The following PDGFRB variants were observed in gnomAD, a reference collection of about 807,000 sequenced individuals.
PDGFRB encodes the protein platelet-derived growth factor receptor beta.
In PDGFRB, 42 loss-of-function variants were observed where a neutral mutation model predicts 120.2. That is an observed-to-expected ratio of 0.35 (90% CI 0.27 to 0.45). PDGFRB has a LOEUF of 0.45. PDGFRB is among the 20% of genes least tolerant of loss of function. The pLI is 1.00. For missense variants in PDGFRB, 1,149 were observed against 1,476.3 expected (o/e 0.78, Z 3.63); for synonymous variants, 586 against 606.8 (o/e 0.97, Z 0.50).
In PDGFRB at chr5:150,114,368, T is replaced by C. The variant is rs1759855422; in HGVS notation, c.*1395A>G. The C allele has an allele frequency of 4.3e-6, 1 of 233,144 alleles. No homozygotes were observed. Among genetic ancestry groups the C allele is most frequent in the Admixed American group, 5.6e-5 (1 of 17,784 alleles). 14.4% of individuals were successfully genotyped at this position (233,144 alleles called of 1,614,324 possible). Reference sequence around the variant, plus strand: ...TCTTGTCTTTTACAAGACATAACTGTCCTCACTGTCCATTCTGTCTTCGAC... The same window carrying C: ...TCTTGTCTTTTACAAGACATAACTGCCCTCACTGTCCATTCTGTCTTCGAC... On this transcript the variant is annotated 3_prime_UTR_variant, in exon 23 of 23. Transcript: ENST00000261799.
chr5:150,124,811 C>A lies in PDGFRB; in HGVS notation c.1828G>T (p.Ala610Ser). ...LVLGRTLGSG[A>S]FGQVVEATAH... ...GTGGCCTCCACCACCTGCCCAAAGG[C>A]CCCAGAGCCGAGGGTGCGTCCTGGT... Residue 610 changes from alanine to serine, a missense_variant, in exon 13 of 23, where the codon GCC becomes TCC. This residue lies in a region of PDGFRB where 879 missense variants were observed against 1,108.6 expected (regional missense o/e 0.79). Coordinates refer to ENST00000261799, the MANE Select transcript of PDGFRB (RefSeq NM_002609.4). The A allele has an allele frequency of 1.2e-6, 2 of 1,603,900 alleles. No homozygotes were observed. The highest frequency in any genetic ancestry group is 8.5e-7 in the Non-Finnish European group (1 of 1,173,424).
chr5:150,142,175 G>A (rs534524738), intron 1 of PDGFRB, among the ~76,000 whole-genome samples: 1 of 152,164 alleles, frequency 6.6e-6, no homozygotes, highest in Non-Finnish European at 1.5e-5. Context: ...GAGGCTTAGG[G>A]AAGGAAAGCA....
At chr5:150,117,190 G>A (rs1759962076) in intron 22 of PDGFRB, among the ~76,000 whole-genome samples, 1 of 152,290 alleles carries the variant, frequency 6.6e-6, no homozygotes, top group South Asian at 2.1e-4. Flanking sequence ...CAACCAAGCA[G>A]GCTCCCTCTG....
intron 14 of PDGFRB, 72 bp downstream of exon 14, chr5:150,124,178 G>T (rs548346663): frequency 4.9e-6 from 5 of 1,015,070 alleles, no homozygotes; most frequent in African/African-American, 1.6e-5. Context: ...AAGGCCTGAG[G>T]GGGGGGTAGG....
chr5:150,133,915 AC>A lies in PDGFRB; in HGVS notation c.724del (p.Val242TrpfsTer20). 1 of 1,613,876 alleles carries A rather than the reference AC, an allele frequency of 6.2e-7. No individual in the cohort carries two copies. Among genetic ancestry groups the A allele is most frequent in the Non-Finnish European group, 8.5e-7 (1 of 1,179,884 alleles). On this transcript the variant is annotated frameshift_variant, in exon 5 of 23. Transcript: ENST00000261799. LOFTEE classifies it high-confidence loss of function. The part of the protein sequence containing the change: ...TLMCIVIGNE[V>X]VNFEWTYPRK... ...GGGGTATGTCCACTCGAAGTTGACC[AC>A]CTCATTCCCGATCACAATGCACATG... is the stretch of plus-strand genomic sequence containing the variant.
intron 22 of PDGFRB, 87 bp downstream of exon 22, chr5:150,117,527 AGCGC>A (rs148754488): frequency 0.02 from 11,017 of 555,390 alleles, 48 homozygotes; most frequent in Non-Finnish European, 0.027. Context: ...CAAACCTGGC[AGCGC>A]GCGCGCGCGC....
rs1401442448 is a variant in PDGFRB at position 150,123,215 on chromosome 5, G to C, written c.2024-14C>G. On this transcript the variant is annotated splice_polypyrimidine_tract_variant and intron_variant, in intron 14 of 22. Transcript: ENST00000261799. Reference sequence around the variant, plus strand: ...TATAGATGGGTCCTGCAGAGGGACAGGCTCAGGGACAGTCCCTATGGAGGC... The same window carrying C: ...TATAGATGGGTCCTGCAGAGGGACACGCTCAGGGACAGTCCCTATGGAGGC... The C allele has an allele frequency of 6.2e-7, 1 of 1,610,072 alleles. No homozygotes were observed. Among genetic ancestry groups the C allele is most frequent in the South Asian group, 1.1e-5 (1 of 91,050 alleles).
At chr5:150,145,054 C>A (rs894904924) in intron 1 of PDGFRB, among the ~76,000 whole-genome samples, 1 of 152,246 alleles carries the variant, frequency 6.6e-6, no homozygotes, top group Non-Finnish European at 1.5e-5. Flanking sequence ...CTCCTTCCCA[C>A]CCTTCCACTC....
rs2229560 is a variant in PDGFRB at position 150,134,800 on chromosome 5, A to T, written c.581T>A (p.Ile194Asn). The T allele has an allele frequency of 1.2e-6, 2 of 1,614,192 alleles. No individual in the cohort carries two copies. Among genetic ancestry groups the T allele is most frequent in the Non-Finnish European group, 1.7e-6 (2 of 1,180,020 alleles). The change falls in exon 4 of 23, where the codon ATT becomes AAT. Residue 194 changes from isoleucine (I) to asparagine (N), a missense_variant. Ile to Asn is a moderately radical substitution (Grantham distance 149, BLOSUM62 -3). Transcript: ENST00000261799. ...ATCAGAATCCACCTCCCTGTCCCCA[A>T]TGGTGGTTTTGCAGATGTAGCTTCT... ...EDRSYICKTT[I>N]GDREVDSDAY...
intron 10 of PDGFRB, 40 bp from the exon 11 acceptor site, chr5:150,126,654 C>A (rs111808340): frequency 9.5e-7 from 1 of 1,050,650 alleles, no homozygotes; most frequent in South Asian, 1.3e-5. Flanking sequence ...GCAAACTGGG[C>A]AGCTACCCTC....
chr5:150,139,379 G>C (rs927806492), intron 1 of PDGFRB, among the ~76,000 whole-genome samples: 1 of 152,134 alleles, frequency 6.6e-6, no homozygotes, highest in Admixed American at 6.5e-5. Flanking sequence ...TCTGAACTCT[G>C]CGTCCCCATC....
chr5:150,138,370 C>T (rs1336416905), intron 1 of PDGFRB, among the ~76,000 whole-genome samples: 1 of 152,196 alleles, frequency 6.6e-6, no homozygotes, highest in Non-Finnish European at 1.5e-5. Context: ...ACCTCTTGTG[C>T]CATCGCTCTC....
In PDGFRB at chr5:150,135,032, C is replaced by G. The variant is rs144832150; in HGVS notation, c.365-16G>C. ...ACGGTGGGATCTGCCAGGAGTGGAGCCGTGAATAAATCAGGGGAACTGGGT... is the reference window on the plus strand; with the variant it reads ...ACGGTGGGATCTGCCAGGAGTGGAGGCGTGAATAAATCAGGGGAACTGGGT... On this transcript the variant is annotated splice_polypyrimidine_tract_variant and intron_variant, in intron 3 of 22. Coordinates refer to ENST00000261799, the MANE Select transcript of PDGFRB (RefSeq NM_002609.4). 2.9e-6 allele frequency: 4 copies of G among 1,365,580 alleles called. No individual in the cohort carries two copies. The East Asian group carries it at 9.2e-5, about 31-fold the overall frequency. 84.6% of individuals were successfully genotyped at this position (1,365,580 alleles called of 1,614,324 possible). A position where few individuals can be genotyped will look rare whatever the true frequency, so the allele number is the denominator to read the frequency against.
At position 150,132,932 on chromosome 5, in the gene PDGFRB, G is replaced by A. The variant is rs56069016; in HGVS notation, c.945C>T (p.Tyr315=). 742 of 1,560,278 alleles carry A rather than the reference G, an allele frequency of 4.8e-4. 8 individuals carry two copies. The African/African-American group carries it at 8.2e-3, about 17-fold the overall frequency. ...TGCCCACCTCTCCCAGGAGCCGCAC[G>A]TAGCCGCTCTCTGCAAGGGGTGACC... ...AINITVVESG[Y]VRLLGEVGTL... is the part of the protein sequence containing the mutation. Residue 315 remains tyrosine (Y), a synonymous_variant, in exon 7 of 23, where the codon TAC becomes TAT. Transcript: ENST00000261799. The surrounding 1 kb of genome is among the most constrained non-coding windows in gnomAD (Gnocchi z 5.0).
rs775533791 is a variant in PDGFRB at position 150,132,857 on chromosome 5, G to A, written c.1020C>T (p.Phe340=). 1.6e-5 allele frequency: 25 copies of A among 1,606,914 alleles called. No individual in the cohort carries two copies. The highest frequency in any genetic ancestry group is 4.5e-5 in the East Asian group (2 of 44,620). ...LHRSRTLQVV[F]EAYPPPTVLW... ...GGACAGTGGGCGGTGGGTAGGCCTC[G>A]AACACTACCTGCAGTGTCCGGCTCC... The change falls in exon 7 of 23, where the codon TTC becomes TTT. Residue 340 remains phenylalanine (F), a synonymous_variant. Coordinates refer to ENST00000261799, the MANE Select transcript of PDGFRB (RefSeq NM_002609.4). This position sits in a 1 kb window ranked among gnomAD's most constrained non-coding sequence, Gnocchi z 5.0.
chr5:150,135,914 G>A (rs745543811), intron 2 of PDGFRB, 36 bp from the exon 3 acceptor site: 14 of 1,449,894 alleles, frequency 9.7e-6, no homozygotes, highest in African/African-American at 1.4e-5. Context: ...CAGGAAACAG[G>A]GGCTTCAGCA....
intron 8 of PDGFRB, 147 bp from the exon 9 acceptor site, chr5:150,130,809 G>A: frequency 1.4e-6 from 1 of 714,060 alleles, no homozygotes; most frequent in Non-Finnish European, 2.4e-6. Flanking sequence ...GAATCAGTGT[G>A]AAAACCGATG....
At chr5:150,129,235 A>G (rs534946195) in intron 10 of PDGFRB, among the ~76,000 whole-genome samples, 67 of 152,344 alleles carry the variant, frequency 4.4e-4, no homozygotes, top group African/African-American at 1.5e-3. Flanking sequence ...ACCCACCGGT[A>G]CATGCATACA....
At position 150,135,555 on chromosome 5, in the gene PDGFRB, C is replaced by G; in HGVS notation, c.364G>C (p.Asp122His). 6.3e-7 allele frequency: 1 copy of G among 1,594,196 alleles called. No individual in the cohort carries two copies. Among genetic ancestry groups the G allele is most frequent in the Non-Finnish European group, 8.6e-7 (1 of 1,167,326 alleles). Residue 122 changes from aspartate to histidine, a missense_variant and splice_region_variant, in exon 3 of 23, where the codon GAT becomes CAT. Physicochemically the swap from Asp to His is moderately conservative, Grantham distance 81. Around this residue, in one of 3 missense-constraint regions of PDGFRB, gnomAD observed 879 missense variants for 1,108.6 expected, o/e 0.79. Transcript: ENST00000261799. ...GGGCACACAGGCTGGGAGCCCTTAC[C>G]TGGCACAAAGATGTAGAGCCGTTTC... The part of the protein sequence containing the change: ...ERKRLYIFVP[D>H]PTVGFLPNDA...
Sources: gnomAD v4.1 joint callset for allele counts (sites outside exome capture counted in the v4.1 genomes callset) on GRCh38, gnomAD v4.1.1 for gene constraint, gnomAD v4.1.1 regional missense constraint, Gnocchi (gnomAD v3.1) non-coding constraint, MANE v1.5 for transcripts, NCBI Gene and HGNC (gene_info 2026-07-23, HGNC 2026-07-21) for gene names.